The following BCAT1 variants were observed in gnomAD, a reference collection of about 807,000 sequenced individuals.
The protein encoded by BCAT1 is branched chain amino acid transaminase 1.
A neutral mutation model predicts 52.4 loss-of-function variants in BCAT1; 48 were observed. The ratio of observed to expected loss-of-function variants is 0.92; its 90% CI spans 0.73 to 1.16. The LOEUF (loss-of-function observed/expected upper bound fraction) is 1.16, where lower values mean the gene tolerates loss of function less well. Ranked by LOEUF, BCAT1 falls within the 50% of genes most tolerant of loss-of-function variation. BCAT1 has a pLI of 0.00. For missense variants in BCAT1, 451 were observed against 457.1 expected, an observed-to-expected ratio of 0.99 and a Z score of 0.12; for synonymous variants, 167 against 161.3, an observed-to-expected ratio of 1.04 and a Z score of -0.27.
chr12:24,934,727 AT>A (rs1160217861), intron 1 of BCAT1, among the ~76,000 whole-genome samples: 1 of 151,986 alleles, frequency 6.6e-6, no homozygotes, highest in Non-Finnish European at 1.5e-5. Context: ...TAATTTTTGT[AT>A]TTTTAGTAGA....
intron 1 of BCAT1, among the ~76,000 whole-genome samples, chr12:24,942,449 CAGG>C (rs768173465): frequency 6.6e-6 from 1 of 151,400 alleles, no homozygotes; most frequent in African/African-American, 2.4e-5. Context: ...GAGGCTGAGG[CAGG>C]AGAATTGCTT....
At chr12:24,866,427 G>A (rs1942012336) in intron 5 of BCAT1, among the ~76,000 whole-genome samples, 1 of 152,162 alleles carries the variant, frequency 6.6e-6, no homozygotes, top group South Asian at 2.1e-4. Flanking sequence ...CCTGACGAGT[G>A]CCACCCCCAC....
chr12:24,906,914 T>A (rs545798949), intron 1 of BCAT1, among the ~76,000 whole-genome samples: 19 of 152,304 alleles, frequency 1.2e-4, no homozygotes, highest in Middle Eastern at 3.4e-3. Context: ...CTTGCTTCTC[T>A]TTAAGCCATT....
chr12:24,912,642 A>T (rs1222990879), intron 1 of BCAT1, among the ~76,000 whole-genome samples: 1 of 150,478 alleles, frequency 6.6e-6, no homozygotes, highest in East Asian at 2.0e-4. Context: ...AGGTGAGAGG[A>T]TTGCTTGAGT....
At chr12:24,835,893 C>G (rs1940901249) in intron 8 of BCAT1, among the ~76,000 whole-genome samples, 1 of 152,040 alleles carries the variant, frequency 6.6e-6, no homozygotes, top group Admixed American at 6.6e-5. Flanking sequence ...ACCCGGTCCA[C>G]CAAATTGTTT....
intron 7 of BCAT1, among the ~76,000 whole-genome samples, chr12:24,839,846 A>ATTGTATT (rs1433742981): frequency 4.6e-5 from 7 of 152,230 alleles, no homozygotes; most frequent in Non-Finnish European, 8.8e-5. Context: ...TCTTAAAATC[A>ATTGTATT]TATGATATAA....
chr12:24,912,433 T>C (rs1319646391), intron 1 of BCAT1, among the ~76,000 whole-genome samples: 1 of 152,068 alleles, frequency 6.6e-6, no homozygotes, highest in Non-Finnish European at 1.5e-5. Flanking sequence ...GGCAGGAGAA[T>C]GGCGTGAACC....
chr12:24,948,863 G>A, intron 1 of BCAT1, 64 bp downstream of exon 1: 1 of 1,551,340 alleles, frequency 6.4e-7, no homozygotes, highest in Non-Finnish European at 8.8e-7. Flanking sequence ...GTTTCTTGGA[G>A]AAATCGCCGG....
intron 1 of BCAT1, chr12:24,904,273 T>A (rs1005349528): frequency 6.6e-6 from 1 of 152,318 alleles, no homozygotes; most frequent in East Asian, 1.9e-4. Flanking sequence ...CGCGATCTCG[T>A]CTAATTGCAA....
intron 1 of BCAT1, chr12:24,902,123 G>A (rs1339419294): frequency 2.1e-6 from 3 of 1,455,398 alleles, no homozygotes; most frequent in Admixed American, 5.3e-5. Flanking sequence ...CTCCTCCGCC[G>A]GCTCAGGGAA....
At position 24,831,190 on chromosome 12, in the gene BCAT1, G is replaced by C. The variant is rs1391748465; in HGVS notation, c.1045-1293C>G. On this transcript the variant is annotated intron_variant, in intron 9 of 10. Coordinates refer to ENST00000261192, the MANE Select transcript of BCAT1 (RefSeq NM_005504.7). ...ATGATCCACTTCCATGTAATGAATA[G>C]TAAATATATTTTCCCTTCCCCATGA... Among the ~76,000 whole-genome samples the C allele has an allele frequency of 2.0e-5, 3 of 152,256 alleles. 1 individual carries two copies. The highest frequency in any genetic ancestry group is 1.5e-5 in the Non-Finnish European group (1 of 68,022).
chr12:24,931,790 G>A (rs946561983), intron 1 of BCAT1, among the ~76,000 whole-genome samples: 10 of 152,188 alleles, frequency 6.6e-5, no homozygotes, highest in African/African-American at 2.4e-4. Flanking sequence ...GAGCATACGT[G>A]CAACACAAAT....
intron 6 of BCAT1, among the ~76,000 whole-genome samples, chr12:24,844,946 C>T (rs150149498): frequency 0.02 from 2,938 of 146,124 alleles, 48 homozygotes; most frequent in Middle Eastern, 0.048. Flanking sequence ...GGCACAGTGG[C>T]TCATACCTGT....
At chr12:24,891,912 CT>C (rs1414567618) in intron 3 of BCAT1, among the ~76,000 whole-genome samples, 1 of 88,980 alleles carries the variant, frequency 1.1e-5, no homozygotes, top group Admixed American at 1.3e-4. Flanking sequence ...CCACGCCCGG[CT>C]AATTTTTTTT....
intron 3 of BCAT1, among the ~76,000 whole-genome samples, chr12:24,890,809 T>A (rs1422939918): frequency 1.3e-5 from 2 of 152,170 alleles, no homozygotes; most frequent in Non-Finnish European, 2.9e-5. Flanking sequence ...TAGCCATTCT[T>A]TTTTTCCTTT....
At chr12:24,866,633 G>A (rs1942024095) in intron 5 of BCAT1, among the ~76,000 whole-genome samples, 2 of 152,192 alleles carry the variant, frequency 1.3e-5, no homozygotes, top group Non-Finnish European at 2.9e-5. Flanking sequence ...TCGGCGCTCT[G>A]TATCTAGCTC....
chr12:24,938,106 T>C (rs186704878), intron 1 of BCAT1, among the ~76,000 whole-genome samples: 33 of 152,072 alleles, frequency 2.2e-4, no homozygotes, highest in African/African-American at 7.2e-4. Flanking sequence ...CTACAGTGGA[T>C]AATGGGGCCA....
At chr12:24,859,744 A>C (rs1941798981) in intron 5 of BCAT1, among the ~76,000 whole-genome samples, 1 of 151,858 alleles carries the variant, frequency 6.6e-6, no homozygotes, top group African/African-American at 2.4e-5. Context: ...TAAATCTTTG[A>C]TATTTGACAA....
chr12:24,921,986 C>G (rs556815059), intron 1 of BCAT1, among the ~76,000 whole-genome samples: 4 of 152,226 alleles, frequency 2.6e-5, no homozygotes, highest in Non-Finnish European at 4.4e-5. Context: ...TGCACACATA[C>G]ACACATACAC....
Sources: allele counts gnomAD v4.1 joint callset (sites outside exome capture counted in the v4.1 genomes callset), GRCh38; gene constraint gnomAD v4.1.1; transcripts MANE v1.5; gene names NCBI Gene and HGNC (gene_info 2026-07-23, HGNC 2026-07-21).